APELA: variants seen among roughly 807,000 people sequenced by gnomAD.
APELA encodes the protein protein Elabela.
At chr4:164,889,372 C>A (rs1002810024) in intron 2 of APELA, among the ~76,000 whole-genome samples, 4 of 151,972 alleles carry the variant, frequency 2.6e-5, no homozygotes, top group Admixed American at 2.6e-4. Flanking sequence ...ATTATTTAAA[C>A]ATATGAAATC....
intron 2 of APELA, among the ~76,000 whole-genome samples, chr4:164,885,284 C>G (rs565839264): frequency 4.7e-4 from 72 of 152,210 alleles, no homozygotes; most frequent in African/African-American, 1.5e-3. Context: ...GTTTGTGCCA[C>G]CACACTCAGC....
intron 1 of APELA, among the ~76,000 whole-genome samples, chr4:164,877,639 C>G (rs1730579157): frequency 6.6e-6 from 1 of 152,092 alleles, no homozygotes; most frequent in South Asian, 2.1e-4. Context: ...ACTATTTTTC[C>G]TAAATGCCAA....
At chr4:164,893,789 T>C (rs1462927465) in intron 2 of APELA, among the ~76,000 whole-genome samples, 1 of 152,178 alleles carries the variant, frequency 6.6e-6, no homozygotes, top group African/African-American at 2.4e-5. Flanking sequence ...AATCTGCCTT[T>C]TGAATGGATT....
intron 2 of APELA, among the ~76,000 whole-genome samples, chr4:164,886,686 A>C (rs1456807002): frequency 1.3e-5 from 2 of 152,140 alleles, no homozygotes; most frequent in Non-Finnish European, 2.9e-5. Flanking sequence ...TGATGAATAT[A>C]TTTACTTATA....
chr4:164,892,078 A>T (rs1426246746), intron 2 of APELA, among the ~76,000 whole-genome samples: 1 of 152,030 alleles, frequency 6.6e-6, no homozygotes, highest in African/African-American at 2.4e-5. Context: ...CGGGAGGCTG[A>T]GGGGGGCAGA....
intron 2 of APELA, among the ~76,000 whole-genome samples, chr4:164,883,923 A>C (rs1166147413): frequency 6.6e-6 from 1 of 151,662 alleles, no homozygotes; most frequent in East Asian, 1.9e-4. Flanking sequence ...TCTTAAAAAA[A>C]AAAAAAAAGA....
intron 2 of APELA, among the ~76,000 whole-genome samples, chr4:164,894,159 C>A (rs914590102): frequency 4.6e-5 from 7 of 152,060 alleles, no homozygotes; most frequent in African/African-American, 1.4e-4. Context: ...CCTGTCTCTA[C>A]TAAAAATACA....
intron 2 of APELA, among the ~76,000 whole-genome samples, chr4:164,879,444 C>T (rs564728663): frequency 2.6e-5 from 4 of 152,146 alleles, no homozygotes; most frequent in East Asian, 1.9e-4. Flanking sequence ...CCTCCTCTCT[C>T]CTCTTACCTC....
intron 2 of APELA, among the ~76,000 whole-genome samples, chr4:164,890,668 G>A (rs559963922): frequency 3.9e-5 from 6 of 152,064 alleles, no homozygotes; most frequent in African/African-American, 9.7e-5. Flanking sequence ...GGGTTATTCC[G>A]GCTGTTTGGC....
intron 2 of APELA, among the ~76,000 whole-genome samples, chr4:164,890,321 T>C (rs1009447805): frequency 3.3e-5 from 5 of 152,196 alleles, no homozygotes; most frequent in Non-Finnish European, 7.3e-5. Flanking sequence ...TCCTAAGTTG[T>C]GCAACCATCA....
rs143652532 is a variant in APELA at position 164,878,837 on chromosome 4, C to G, written c.77-83C>G. ...CAAATAACCACAATCTAGTTTGGCT[C>G]CAAAATATGTTTGCATTGTCTAGAT... On this transcript the variant is annotated intron_variant, in intron 1 of 2. Transcript: ENST00000507152. The G allele has an allele frequency of 5.5e-5, 22 of 398,104 alleles. No individual in the cohort carries two copies. In the East Asian group the frequency reaches 7.9e-4, roughly 14 times the overall value. 24.7% of individuals were successfully genotyped at this position (398,104 alleles called of 1,614,324 possible). A position where few individuals can be genotyped will look rare whatever the true frequency, so the allele number is the denominator to read the frequency against.
At chr4:164,886,061 T>G (rs181958484) in intron 2 of APELA, among the ~76,000 whole-genome samples, 5 of 152,334 alleles carry the variant, frequency 3.3e-5, no homozygotes, top group Admixed American at 2.0e-4. Flanking sequence ...TAGTAGGCTT[T>G]TAAAGCCATC....
intron 2 of APELA, among the ~76,000 whole-genome samples, chr4:164,886,917 C>T (rs1159312012): frequency 2.0e-5 from 3 of 151,906 alleles, no homozygotes; most frequent in East Asian, 1.9e-4. Flanking sequence ...CCTCCACCTC[C>T]CAGGTTCAAG....
intron 2 of APELA, among the ~76,000 whole-genome samples, chr4:164,890,533 A>G (rs1039596108): frequency 3.3e-5 from 5 of 152,046 alleles, no homozygotes; most frequent in African/African-American, 1.2e-4. Flanking sequence ...TTTTCACTTA[A>G]TGTTTTCAGG....
intron 2 of APELA, among the ~76,000 whole-genome samples, chr4:164,879,655 G>A (rs1730622646): frequency 6.6e-6 from 1 of 152,188 alleles, no homozygotes; most frequent in Admixed American, 6.6e-5. Flanking sequence ...ATTTTGCGCA[G>A]GCTGGTCTCG....
chr4:164,885,914 G>C (rs1352365952), intron 2 of APELA, among the ~76,000 whole-genome samples: 1 of 151,750 alleles, frequency 6.6e-6, no homozygotes, highest in African/African-American at 2.4e-5. Context: ...TCCTCTTCTA[G>C]GAATTTCTTC....
chr4:164,886,404 C>A (rs948983002), intron 2 of APELA, among the ~76,000 whole-genome samples: 6 of 152,132 alleles, frequency 3.9e-5, no homozygotes, highest in African/African-American at 1.4e-4. Flanking sequence ...GTAAACCCAG[C>A]ACTTTGGGAG....
chr4:164,884,123 G>GAAAGAAAGAAAGAAAGA (rs1730719178), intron 2 of APELA, among the ~76,000 whole-genome samples: 2 of 118,538 alleles, frequency 1.7e-5, no homozygotes, highest in African/African-American at 6.6e-5. Flanking sequence ...GAAAGAAAGA[G>GAAAGAAAGAAAGAAAGA]AAAGAAAGAA....
intron 2 of APELA, among the ~76,000 whole-genome samples, chr4:164,893,003 G>C (rs1474468232): frequency 6.6e-6 from 1 of 151,820 alleles, no homozygotes; most frequent in Non-Finnish European, 1.5e-5. Context: ...TTTATTCTTG[G>C]TCAGTCTAAA....
Sources: allele counts gnomAD v4.1 joint callset (sites outside exome capture counted in the v4.1 genomes callset), GRCh38; gene constraint gnomAD v4.1.1; transcripts MANE v1.5; gene names NCBI Gene and HGNC (gene_info 2026-07-23, HGNC 2026-07-21).